The following OLA1 variants were observed in gnomAD, a reference collection of about 807,000 sequenced individuals.
OLA1 encodes the protein Obg like ATPase 1.
A neutral mutation model predicts 48.4 loss-of-function variants in OLA1; 14 were observed. The observed-to-expected ratio is 0.29, with a 90% confidence interval of 0.19 to 0.45. The LOEUF (loss-of-function observed/expected upper bound fraction) is 0.45. Ranked by LOEUF, OLA1 falls within the 20% of genes least tolerant of loss-of-function variation. OLA1 has a pLI of 1.00. For synonymous variants in OLA1, 127 were observed against 150.4 expected (o/e 0.84, Z 1.14); for missense variants, 325 against 467.1 (o/e 0.70, Z 2.80).
intron 7 of OLA1, among the ~76,000 whole-genome samples, chr2:174,102,054 G>C (rs941815414): frequency 6.6e-6 from 1 of 152,090 alleles, no homozygotes; most frequent in Non-Finnish European, 1.5e-5. Context: ...TGACAATCAG[G>C]AATAATGAAA....
intron 7 of OLA1, among the ~76,000 whole-genome samples, chr2:174,107,962 T>A (rs747714210): frequency 7.2e-5 from 11 of 152,208 alleles, no homozygotes; most frequent in Non-Finnish European, 1.6e-4. Flanking sequence ...TAAATTTACT[T>A]TCATAATTTA....
chr2:174,221,541 C>A lies in OLA1; in HGVS notation c.373+1492G>T, dbSNP rs16862491. On this transcript the variant is annotated intron_variant, in intron 4 of 10. Coordinates refer to ENST00000284719, the MANE Select transcript of OLA1 (RefSeq NM_013341.5). The stretch of plus-strand genomic sequence containing the variant: ...CTCCCACTCTATTTTAAGTTCTTTT[C>A]CACCCATCAACTCACTTTCTCATAC... Among the ~76,000 whole-genome samples, 1,342 of 152,208 alleles carry A rather than the reference C, an allele frequency of 8.8e-3. 25 individuals are homozygous for A. Among genetic ancestry groups the A allele is most frequent in the African/African-American group, 0.03 (1,245 of 41,544 alleles).
At chr2:174,107,321 C>T (rs17238965) in intron 7 of OLA1, among the ~76,000 whole-genome samples, 8,210 of 152,160 alleles carry the variant, frequency 0.054, 304 homozygotes, top group Middle Eastern at 0.14. Context: ...TGGACGTCCA[C>T]GCTCTATTAG....
intron 7 of OLA1, among the ~76,000 whole-genome samples, chr2:174,119,971 A>C (rs2105365534): frequency 6.6e-6 from 1 of 152,098 alleles, no homozygotes; most frequent in East Asian, 1.9e-4. Context: ...ACACACACAC[A>C]CACACACAGT....
At chr2:174,178,488 T>C (rs1475784547) in intron 4 of OLA1, among the ~76,000 whole-genome samples, 1 of 151,966 alleles carries the variant, frequency 6.6e-6, no homozygotes, top group Non-Finnish European at 1.5e-5. Context: ...AAGATCAAAA[T>C]TTAATTAATT....
At chr2:174,223,730 T>TG in intron 3 of OLA1, among the ~76,000 whole-genome samples, 1 of 140,778 alleles carries the variant, frequency 7.1e-6, no homozygotes, top group Admixed American at 7.8e-5. Context: ...ACAGGCTGTC[T>TG]GGGTTTGCAT....
chr2:174,110,381 G>T (rs1371485696), intron 7 of OLA1, among the ~76,000 whole-genome samples: 1 of 147,244 alleles, frequency 6.8e-6, no homozygotes, highest in Non-Finnish European at 1.5e-5. Flanking sequence ...TGAATTCCTG[G>T]TCTCAAGTGA....
chr2:174,219,718 A>C (rs1403425401), intron 4 of OLA1, among the ~76,000 whole-genome samples: 3 of 152,144 alleles, frequency 2.0e-5, no homozygotes, highest in Non-Finnish European at 4.4e-5. Context: ...CACCGTGCTC[A>C]GCCCATTTTG....
rs1574466552 is a variant in OLA1 at position 174,075,595 on chromosome 2, C to T, written c.1090-68G>A. 1.8e-5 allele frequency: 17 copies of T among 930,210 alleles called. No homozygotes were observed. In the South Asian group the frequency reaches 2.3e-4, roughly 13 times the overall value. 57.6% of individuals were successfully genotyped at this position (930,210 alleles called of 1,614,324 possible). A position where few individuals can be genotyped will look rare whatever the true frequency, so the allele number is the denominator to read the frequency against. On this transcript the variant is annotated intron_variant, in intron 10 of 10. Transcript: ENST00000284719. ...ACTAAATACATGGGGTAAATGGTGG[C>T]AGCAGATATAAAAAGTATTATACTA...
chr2:174,142,038 T>C (rs1315316643), intron 4 of OLA1, 38 bp from the exon 5 acceptor site: 3 of 1,532,242 alleles, frequency 2.0e-6, no homozygotes, highest in Non-Finnish European at 2.7e-6. Flanking sequence ...AATAAACAAA[T>C]AATACAGCGT....
At chr2:174,210,137 C>T (rs879319333) in intron 4 of OLA1, among the ~76,000 whole-genome samples, 11 of 152,096 alleles carry the variant, frequency 7.2e-5, no homozygotes, top group Admixed American at 2.6e-4. Flanking sequence ...AACTTGGAGG[C>T]ATATGCTCCA....
intron 2 of OLA1, among the ~76,000 whole-genome samples, chr2:174,243,443 G>C (rs1272358237): frequency 6.6e-6 from 1 of 152,104 alleles, no homozygotes; most frequent in Non-Finnish European, 1.5e-5. Flanking sequence ...ACAAAAACAT[G>C]TCTCCTTATC....
chr2:174,237,023 AGCTT>A (rs1688868975), intron 2 of OLA1, among the ~76,000 whole-genome samples: 1 of 152,132 alleles, frequency 6.6e-6, no homozygotes, highest in Non-Finnish European at 1.5e-5. Flanking sequence ...AATTAGCCTT[AGCTT>A]ACCAATACTT....
At chr2:174,181,322 T>A (rs1277937653) in intron 4 of OLA1, among the ~76,000 whole-genome samples, 2 of 152,128 alleles carry the variant, frequency 1.3e-5, no homozygotes, top group Non-Finnish European at 1.5e-5. Flanking sequence ...TTAGCTTTGT[T>A]GTGAAGGCAA....
At chr2:174,109,201 T>C (rs983192179) in intron 7 of OLA1, among the ~76,000 whole-genome samples, 1 of 152,198 alleles carries the variant, frequency 6.6e-6, no homozygotes, top group Non-Finnish European at 1.5e-5. Flanking sequence ...CACTCACATA[T>C]CTTCTTATGG....
At chr2:174,152,656 A>G (rs927921702) in intron 4 of OLA1, among the ~76,000 whole-genome samples, 2 of 152,230 alleles carry the variant, frequency 1.3e-5, no homozygotes, top group African/African-American at 2.4e-5. Flanking sequence ...GAGAAACAAA[A>G]TATTTTGTAA....
chr2:174,128,790 T>C (rs1475269505), intron 5 of OLA1, among the ~76,000 whole-genome samples: 1 of 151,828 alleles, frequency 6.6e-6, no homozygotes, highest in Admixed American at 6.6e-5. Context: ...AAGCCATTAA[T>C]TGGAGATTTG....
intron 4 of OLA1, among the ~76,000 whole-genome samples, chr2:174,151,939 T>C (rs1319494985): frequency 6.6e-6 from 1 of 152,232 alleles, no homozygotes; most frequent in Non-Finnish European, 1.5e-5. Flanking sequence ...GTTTAAGCCC[T>C]GGTTTACAGA....
chr2:174,194,622 C>T (rs972292596), intron 4 of OLA1, among the ~76,000 whole-genome samples: 2 of 152,180 alleles, frequency 1.3e-5, no homozygotes, highest in East Asian at 3.9e-4. Context: ...TTAAAAATCC[C>T]AATACGTAAA....
Sources: gnomAD v4.1 joint callset for allele counts (sites outside exome capture counted in the v4.1 genomes callset) on GRCh38, gnomAD v4.1.1 for gene constraint, MANE v1.5 for transcripts, NCBI Gene and HGNC (gene_info 2026-07-23, HGNC 2026-07-21) for gene names.